Variants in KLHL21 observed in about 807,000 individuals in gnomAD.
KLHL21 encodes kelch-like protein 21.
KLHL21 carries 42 observed loss-of-function variants against 44.1 expected under a neutral mutation model. That is an observed-to-expected ratio of 0.95 (90% CI 0.74 to 1.23). The LOEUF is 1.23. KLHL21 is among the 50% of genes most tolerant of loss of function. The probability of loss-of-function intolerance (pLI) is 0.00; values close to 1 mark genes in which losing one functional copy is unlikely to be tolerated. For missense variants in KLHL21, 918 were observed against 889.1 expected, an observed-to-expected ratio of 1.03 and a Z score of -0.41; for synonymous variants, 524 against 411.6, an observed-to-expected ratio of 1.27 and a Z score of -3.31.
At chr1:6,599,518 G>C in intron 1 of KLHL21, 66 bp from the exon 2 acceptor site, 2 of 1,490,470 alleles carry the variant, frequency 1.3e-6, no homozygotes, top group East Asian at 2.3e-5. Context: ...GCACCCTCCC[G>C]AACTTCCGCA....
rs1176570829 is a variant in KLHL21, at chr1:6,592,185, T to C, written c.*1180A>G. ...AGTGACAGTGCTAAGACTGTCTTCC[T>C]GCTGAGAACATCTCTACGAGTTAGT... is the stretch of plus-strand genomic sequence containing the variant. On this transcript the variant is annotated 3_prime_UTR_variant, in exon 4 of 4. Coordinates refer to ENST00000377658, the MANE Select transcript of KLHL21 (RefSeq NM_014851.4). 1 of 152,286 alleles carries C rather than the reference T, an allele frequency of 6.6e-6. No homozygotes were observed. The highest frequency in any genetic ancestry group is 1.5e-5 in the Non-Finnish European group (1 of 68,058). The allele number at this position is 152,286 out of a possible 1,614,324, so 9.4% of individuals were successfully genotyped here. A position where few individuals can be genotyped will look rare whatever the true frequency, so the allele number is the denominator to read the frequency against.
rs544343328 is a variant in KLHL21 at position 6,593,090 on chromosome 1, A to G, written c.*275T>C. On this transcript the variant is annotated 3_prime_UTR_variant, in exon 4 of 4. Transcript: ENST00000377658. Reference sequence around the variant, plus strand: ...GTGTGCGCCGCGTGGGTGAGCTGTGATCCGCGGGGTGGGGGTGACCTCCAA... The same window carrying G: ...GTGTGCGCCGCGTGGGTGAGCTGTGGTCCGCGGGGTGGGGGTGACCTCCAA... 2.1e-6 allele frequency: 1 copy of G among 471,862 alleles called. No homozygotes were observed. Among genetic ancestry groups the G allele is most frequent in the African/African-American group, 1.9e-5 (1 of 52,260 alleles). 29.2% of individuals were successfully genotyped at this position (471,862 alleles called of 1,614,324 possible).
chr1:6,601,765 C>T (rs1399114023), intron 1 of KLHL21, 32 bp downstream of exon 1: 16 of 1,520,406 alleles, frequency 1.1e-5, no homozygotes, highest in Non-Finnish European at 1.4e-5. Flanking sequence ...GGTTCAACCC[C>T]AGAGAGCCTG....
At chr1:6,601,135 T>C (rs1641010578) in intron 1 of KLHL21, among the ~76,000 whole-genome samples, 1 of 152,214 alleles carries the variant, frequency 6.6e-6, no homozygotes, top group Non-Finnish European at 1.5e-5. Context: ...CTGGGATTTA[T>C]CTTTAATAAA....
chr1:6,599,422 C>T lies in KLHL21; in HGVS notation c.1052G>A (p.Cys351Tyr), dbSNP rs779862641. ...GGSDGSRLYDCVWRYNSSVNE... is the reference protein window; with the variant it reads ...GGSDGSRLYDYVWRYNSSVNE... ...CACGCTTGAGTTGTACCTCCACACG[C>T]AGTCATAGAGCCGGGAGCCATCGGA... Residue 351 changes from cysteine to tyrosine, a missense_variant, in exon 2 of 4, where the codon TGC becomes TAC. By Grantham distance (194) the Cys-to-Tyr change is radical. Transcript: ENST00000377658. 1 of 1,611,786 alleles carries T rather than the reference C, an allele frequency of 6.2e-7. No homozygotes were observed. Among genetic ancestry groups the T allele is most frequent in the Non-Finnish European group, 8.5e-7 (1 of 1,178,972 alleles).
At position 6,595,545 on chromosome 1, in the gene KLHL21, A is replaced by G. The variant is rs752143217; in HGVS notation, c.1440T>C (p.Ala480=). 9 of 1,613,900 alleles carry G rather than the reference A, an allele frequency of 5.6e-6. No homozygotes were observed. Among genetic ancestry groups the G allele is most frequent in the East Asian group, 2.2e-5 (1 of 44,874 alleles). The change falls in exon 3 of 4, where the codon GCT becomes GCC. Residue 480 remains alanine, a synonymous_variant. Transcript: ENST00000377658. ...TCGTCGGGTTGTACACGTCCACCTC[A>G]GCGGAGTCATCCCTGTGGAGGGGGC... ...GLMYFVRDDS[A]EVDVYNPTRN...
Position 6,602,645 on chromosome 1 carries a change from C to T in KLHL21, c.173G>A (p.Ser58Asn). ...PAHRAVLAAA[S>N]PYFRAMFAGQ... ...CGCGAACATGGCGCGGAAGTAGGGGCTGGCGGCGGCCAGCACCGCACGGTG... is the reference window on the plus strand; with the variant it reads ...CGCGAACATGGCGCGGAAGTAGGGGTTGGCGGCGGCCAGCACCGCACGGTG... The change falls in exon 1 of 4, where the codon AGC (serine) becomes AAC (asparagine). Residue 58 changes from serine to asparagine, a missense_variant. Transcript: ENST00000377658. The T allele has an allele frequency of 6.6e-7, 1 of 1,515,296 alleles. No homozygotes were observed. The highest frequency in any genetic ancestry group is 1.2e-5 in the South Asian group (1 of 81,134). 93.9% of individuals were successfully genotyped at this position (1,515,296 alleles called of 1,614,324 possible).
chr1:6,593,076 G>A lies in KLHL21; in HGVS notation c.*289C>T, dbSNP rs1463004562. 1.8e-5 allele frequency: 8 copies of A among 435,746 alleles called. No homozygotes were observed. Among genetic ancestry groups the A allele is most frequent in the Non-Finnish European group, 2.9e-5 (7 of 240,680 alleles). 27.0% of individuals were successfully genotyped at this position (435,746 alleles called of 1,614,324 possible). A position where few individuals can be genotyped will look rare whatever the true frequency, so the allele number is the denominator to read the frequency against. The stretch of plus-strand genomic sequence containing the variant: ...CAACGGCAGGAGGGGTGTGCGCCGC[G>A]TGGGTGAGCTGTGATCCGCGGGGTG... On this transcript the variant is annotated 3_prime_UTR_variant, in exon 4 of 4. Coordinates refer to ENST00000377658, the MANE Select transcript of KLHL21 (RefSeq NM_014851.4).
In KLHL21 at chr1:6,602,354, C is replaced by T. The variant is rs771302689; in HGVS notation, c.464G>A (p.Ser155Asn). 1.5e-5 allele frequency: 23 copies of T among 1,568,440 alleles called. No homozygotes were observed. The South Asian group carries it at 2.5e-4, about 17-fold the overall frequency. Residue 155 changes from serine to asparagine, a missense_variant, in exon 1 of 4, where the codon AGC becomes AAC. By Grantham distance (46) the Ser-to-Asn change is conservative. Coordinates refer to ENST00000377658, the MANE Select transcript of KLHL21 (RefSeq NM_014851.4). ...AEAFSCSGLASAAQRFILRHV... is the reference protein window; with the variant it reads ...AEAFSCSGLANAAQRFILRHV... Reference sequence around the variant, plus strand: ...GCGCAGAATGAACCGCTGCGCCGCGCTCGCCAGTCCCGAGCAGCTGAAGGC... The same window carrying T: ...GCGCAGAATGAACCGCTGCGCCGCGTTCGCCAGTCCCGAGCAGCTGAAGGC...
intron 3 of KLHL21, chr1:6,595,265 C>T (rs1640908388): frequency 1.6e-6 from 1 of 640,692 alleles, no homozygotes; most frequent in East Asian, 2.7e-5. Context: ...TCAATAAACA[C>T]TGCTCAAATG....
rs1165340475 is a variant in KLHL21 at position 6,602,831 on chromosome 1, G to C, written c.-14C>G. 7.1e-7 allele frequency: 1 copy of C among 1,415,722 alleles called. No homozygotes were observed. Among genetic ancestry groups the C allele is most frequent in the Non-Finnish European group, 9.1e-7 (1 of 1,095,174 alleles). The allele number at this position is 1,415,722 out of a possible 1,614,324, so 87.7% of individuals were successfully genotyped here. ...CGGTCGCTCCATGGCGCCTTCGATAGGTTGTCGAGGACGCCGCGGCCGGGG... is the reference window on the plus strand; with the variant it reads ...CGGTCGCTCCATGGCGCCTTCGATACGTTGTCGAGGACGCCGCGGCCGGGG... On this transcript the variant is annotated 5_prime_UTR_variant, in exon 1 of 4. Coordinates refer to ENST00000377658, the MANE Select transcript of KLHL21 (RefSeq NM_014851.4).
chr1:6,602,806 C>A lies in KLHL21; in HGVS notation c.12G>T (p.Pro4=). The part of the protein sequence containing the change: MER[P]APLAVLPFSD... ...AGAAGGGAAGCACGGCCAGGGGCGC[C>A]GGTCGCTCCATGGCGCCTTCGATAG... Residue 4 remains proline (P), a synonymous_variant, in exon 1 of 4, where the codon CCG becomes CCT. Transcript: ENST00000377658. The A allele has an allele frequency of 1.4e-6, 2 of 1,456,960 alleles. No homozygotes were observed. The highest frequency in any genetic ancestry group is 1.3e-5 in the South Asian group (1 of 74,456). The allele number at this position is 1,456,960 out of a possible 1,614,324, so 90.3% of individuals were successfully genotyped here.
chr1:6,594,598 C>A (rs1043962429), intron 3 of KLHL21: 1 of 151,884 alleles, frequency 6.6e-6, no homozygotes, highest in Non-Finnish European at 1.5e-5. Context: ...CCCAGCTACT[C>A]GGGAGGTTGA....
At position 6,590,863 on chromosome 1, in the gene KLHL21, A is replaced by C; in HGVS notation, c.*2502T>G. The C allele has an allele frequency of 2.5e-6, 1 of 398,584 alleles. No individual in the cohort carries two copies. Among genetic ancestry groups the C allele is most frequent in the Non-Finnish European group, 4.4e-6 (1 of 226,016 alleles). 24.7% of individuals were successfully genotyped at this position (398,584 alleles called of 1,614,324 possible). ...ACCCTCTGGGGTGAACTGGATGTGG[A>C]CACTGGAGGGAGGGCGTCCTTTATT... On this transcript the variant is annotated 3_prime_UTR_variant, in exon 4 of 4. Transcript: ENST00000377658.
chr1:6,602,793 C>A lies in KLHL21; in HGVS notation c.25G>T (p.Val9Leu). The change falls in exon 1 of 4, where the codon GTG becomes TTG. Residue 9 changes from valine to leucine, a missense_variant. Coordinates refer to ENST00000377658, the MANE Select transcript of KLHL21 (RefSeq NM_014851.4). MERPAPLA[V>L]LPFSDPAHAL... is the part of the protein sequence containing the mutation. Reference sequence around the variant, plus strand: ...TGCGCGGGGTCCGAGAAGGGAAGCACGGCCAGGGGCGCCGGTCGCTCCATG... The same window carrying A: ...TGCGCGGGGTCCGAGAAGGGAAGCAAGGCCAGGGGCGCCGGTCGCTCCATG... The A allele has an allele frequency of 1.4e-6, 2 of 1,466,972 alleles. No individual in the cohort carries two copies. Among genetic ancestry groups the A allele is most frequent in the Middle Eastern group, 2.0e-4 (1 of 5,028 alleles). The allele number at this position is 1,466,972 out of a possible 1,614,324, so 90.9% of individuals were successfully genotyped here.
chr1:6,599,485 C>T (rs1640982932), intron 1 of KLHL21, 33 bp from the exon 2 acceptor site: 11 of 1,572,068 alleles, frequency 7.0e-6, no homozygotes, highest in Non-Finnish European at 9.5e-6. Context: ...GAAGATCAGC[C>T]CACTCAGGTG....
At chr1:6,601,660 T>TAGTC in intron 1 of KLHL21, 137 bp downstream of exon 1, 1 of 1,343,310 alleles carries the variant, frequency 7.4e-7, no homozygotes, top group African/African-American at 1.5e-5. Flanking sequence ...CAGAGACATG[T>TAGTC]AGTCACCAGA....
At chr1:6,595,686 G>C in intron 2 of KLHL21, 129 bp from the exon 3 acceptor site, 1 of 752,058 alleles carries the variant, frequency 1.3e-6, no homozygotes. Context: ...ATGCCATCCA[G>C]CAGCACCCTT....
At chr1:6,600,434 T>C (rs1254715232) in intron 1 of KLHL21, among the ~76,000 whole-genome samples, 2 of 152,212 alleles carry the variant, frequency 1.3e-5, no homozygotes, top group Non-Finnish European at 2.9e-5. Context: ...CCCCAGGACA[T>C]GAAGGGACCC....
Sources: gnomAD v4.1 joint callset for allele counts (sites outside exome capture counted in the v4.1 genomes callset) on GRCh38, gnomAD v4.1.1 for gene constraint, MANE v1.5 for transcripts, NCBI Gene and HGNC (gene_info 2026-07-23, HGNC 2026-07-21) for gene names.